The following PER2 variants were observed in gnomAD, a reference collection of about 807,000 sequenced individuals.
PER2 encodes the protein period circadian regulator 2.
In PER2, 66 loss-of-function variants were observed where a neutral mutation model predicts 121.0. The observed-to-expected ratio is 0.55, with a 90% confidence interval of 0.45 to 0.67. The LOEUF (loss-of-function observed/expected upper bound fraction) is 0.67, where lower values mean the gene tolerates loss of function less well. Ranked by LOEUF, PER2 falls within the 30% of genes least tolerant of loss-of-function variation. The pLI is 0.00. For synonymous variants in PER2, 684 were observed against 659.9 expected (o/e 1.04, Z -0.56); for missense variants, 1,521 against 1,635.0 (o/e 0.93, Z 1.20).
At chr2:238,275,700 C>T (rs1407745606) in intron 4 of PER2, 43 bp downstream of exon 4, 3 of 1,597,102 alleles carry the variant, frequency 1.9e-6, no homozygotes, top group African/African-American at 2.7e-5. Context: ...GGATTTAAAA[C>T]ATATTTCTAT....
In PER2 at chr2:238,259,955, A is replaced by AT. The variant is rs201686364; in HGVS notation, c.1627+13dup. ...TAGTTTCAGTAAGGAAATGTTGAAT[A>AT]TTTTTTTTTTTACCTGTAACGGATT... On this transcript the variant is annotated intron_variant, in intron 14 of 22. Transcript: ENST00000254657. 4,974 of 989,750 alleles carry AT rather than the reference A, an allele frequency of 5.0e-3. No homozygotes were observed. Among genetic ancestry groups the AT allele is most frequent in the Non-Finnish European group, 6.3e-3 (4,169 of 665,824 alleles). The allele number at this position is 989,750 out of a possible 1,614,324, so 61.3% of individuals were successfully genotyped here.
At chr2:238,261,668 TC>T in intron 12 of PER2, 60 bp downstream of exon 12, 1 of 1,059,168 alleles carries the variant, frequency 9.4e-7, no homozygotes, top group South Asian at 1.3e-5. Context: ...AGAGCCTATG[TC>T]CTCTGCAGGG....
intron 10 of PER2, 26 bp downstream of exon 10, chr2:238,262,926 G>C (rs1165613840): frequency 6.8e-7 from 1 of 1,471,544 alleles, no homozygotes; most frequent in Admixed American, 1.7e-5. Flanking sequence ...AAACACTTCA[G>C]GATGTACCAT....
chr2:238,280,118 C>T (rs897644291), intron 1 of PER2, among the ~76,000 whole-genome samples: 8 of 152,314 alleles, frequency 5.3e-5, no homozygotes, highest in Admixed American at 4.6e-4. Flanking sequence ...AACAGGGCAA[C>T]TCTAAGAAAG....
intron 14 of PER2, 92 bp downstream of exon 14, chr2:238,259,877 C>T (rs1396303421): frequency 2.8e-6 from 2 of 706,066 alleles, no homozygotes; most frequent in Admixed American, 2.2e-5. Flanking sequence ...AGACTCCCTG[C>T]CAGCCAGAGT....
At chr2:238,275,636 T>A (rs1696428493) in intron 4 of PER2, 107 bp downstream of exon 4, 2 of 1,247,394 alleles carry the variant, frequency 1.6e-6, no homozygotes, top group African/African-American at 2.9e-5. Flanking sequence ...TGCAGTGAGC[T>A]GCGATGAGCC....
Position 238,245,310 on chromosome 2 carries a change from A to G in PER2, c.*1065T>C, listed in dbSNP as rs904055876. The G allele has an allele frequency of 2.8e-6, 1 of 351,068 alleles. No individual in the cohort carries two copies. The highest frequency in any genetic ancestry group is 5.1e-6 in the Non-Finnish European group (1 of 195,914). The allele number at this position is 351,068 out of a possible 1,614,324, so 21.7% of individuals were successfully genotyped here. On this transcript the variant is annotated 3_prime_UTR_variant, in exon 23 of 23. Transcript: ENST00000254657. ...GGCAGAGGCCTGAAGCTGCTCCGAG[A>G]GAGGTCGGGCTCATGAAAAGAATGA...
intron 9 of PER2, 34 bp from the exon 10 acceptor site, chr2:238,263,092 A>G (rs754284460): frequency 8.2e-7 from 1 of 1,223,778 alleles, no homozygotes; most frequent in Non-Finnish European, 1.2e-6. Flanking sequence ...TAGGATTGGC[A>G]TCCAAACAGA....
upstream of PER2, among the ~76,000 whole-genome samples, chr2:238,292,317 C>T (rs1414106061): frequency 1.3e-5 from 2 of 152,214 alleles, no homozygotes; most frequent in Non-Finnish European, 2.9e-5. Flanking sequence ...ATGTCTTCCC[C>T]AAGGAAGTCA....
intron 8 of PER2, among the ~76,000 whole-genome samples, chr2:238,267,753 C>G (rs2106313125): frequency 6.6e-6 from 1 of 152,218 alleles, no homozygotes; most frequent in Non-Finnish European, 1.5e-5. Flanking sequence ...AGAGCTGTTC[C>G]CACTTTGTGG....
intron 1 of PER2, among the ~76,000 whole-genome samples, chr2:238,282,265 A>G (rs76312449): frequency 0.092 from 14,039 of 151,872 alleles, 710 homozygotes; most frequent in South Asian, 0.13. Flanking sequence ...CTCTTCTTGC[A>G]GATGCCTGGG....
chr2:238,294,176 C>G (rs117078229), upstream of PER2, among the ~76,000 whole-genome samples: 227 of 152,328 alleles, frequency 1.5e-3, 9 homozygotes, highest in Admixed American at 0.011. Flanking sequence ...TGCTGGCCTT[C>G]TGGGCCACGG....
intron 8 of PER2, 35 bp from the exon 9 acceptor site, chr2:238,265,625 C>T: frequency 8.2e-7 from 1 of 1,219,658 alleles, no homozygotes; most frequent in Non-Finnish European, 1.2e-6. Flanking sequence ...ATTTGTGATC[C>T]TAAGAAATGC....
chr2:238,258,438 A>G (rs1334418893), intron 15 of PER2, 38 bp from the exon 16 acceptor site: 3 of 1,614,046 alleles, frequency 1.9e-6, no homozygotes, highest in Non-Finnish European at 1.7e-6. Context: ...AGGCCACACA[A>G]CATGAGAGGA....
At chr2:238,272,057 T>C (rs1172169334) in intron 5 of PER2, among the ~76,000 whole-genome samples, 1 of 152,136 alleles carries the variant, frequency 6.6e-6, no homozygotes, top group Admixed American at 6.5e-5. Flanking sequence ...CGGCCAGGAG[T>C]ACCTCTCAGG....
In PER2 at chr2:238,268,910, G is replaced by A. The variant is rs754038182; in HGVS notation, c.824+13C>T. 4 of 1,598,376 alleles carry A rather than the reference G, an allele frequency of 2.5e-6. No individual in the cohort carries two copies. The highest frequency in any genetic ancestry group is 2.2e-5 in the South Asian group (2 of 90,806). On this transcript the variant is annotated intron_variant, in intron 7 of 22. Coordinates refer to ENST00000254657, the MANE Select transcript of PER2 (RefSeq NM_022817.3). The surrounding 1 kb of genome is among the most constrained non-coding windows in gnomAD (Gnocchi z 4.0). ...CGGTTTTCTAATTTAAGAAAACTGG[G>A]AACCAGGCTTACCTGACACGGCAAA...
Position 238,252,852 on chromosome 2 carries a change from G to A in PER2, c.3111+60C>T, listed in dbSNP as rs374800409. 63 of 1,434,062 alleles carry A rather than the reference G, an allele frequency of 4.4e-5. 1 individual carries two copies. The South Asian group carries it at 5.3e-4, about 12-fold the overall frequency. The allele number at this position is 1,434,062 out of a possible 1,614,324, so 88.8% of individuals were successfully genotyped here. ...ATGTCTGAACTGAGGATGTGCGGCCGGCCTGCCAGGTGTGCTGTTTGCTGC... is the reference window on the plus strand; with the variant it reads ...ATGTCTGAACTGAGGATGTGCGGCCAGCCTGCCAGGTGTGCTGTTTGCTGC... On this transcript the variant is annotated intron_variant, in intron 19 of 22. Transcript: ENST00000254657. This position sits in a 1 kb window ranked among gnomAD's most constrained non-coding sequence, Gnocchi z 4.2.
At chr2:238,256,009 A>G in intron 17 of PER2, 98 bp from the exon 18 acceptor site, 1 of 1,447,132 alleles carries the variant, frequency 6.9e-7, no homozygotes, top group Non-Finnish European at 9.6e-7. Flanking sequence ...TTCACGTATA[A>G]AGTAATTTCA....
At position 238,275,917 on chromosome 2, in the gene PER2, G is replaced by C. The variant is rs1436590972; in HGVS notation, c.294-20C>G. 1.2e-6 allele frequency: 2 copies of C among 1,614,114 alleles called. No homozygotes were observed. Among genetic ancestry groups the C allele is most frequent in the Non-Finnish European group, 8.5e-7 (1 of 1,179,918 alleles). On this transcript the variant is annotated intron_variant, in intron 3 of 22. Coordinates refer to ENST00000254657, the MANE Select transcript of PER2 (RefSeq NM_022817.3). ...TCGCTACTGCAGGATTCAAGAAAGA[G>C]GCAGCCAAATGTTAGCTTCCTAGGT...
Sources: gnomAD v4.1 joint callset for allele counts (sites outside exome capture counted in the v4.1 genomes callset) on GRCh38, gnomAD v4.1.1 for gene constraint, Gnocchi (gnomAD v3.1) non-coding constraint, MANE v1.5 for transcripts, NCBI Gene and HGNC (gene_info 2026-07-23, HGNC 2026-07-21) for gene names.